The following NEBL variants were observed in gnomAD, a reference collection of about 807,000 sequenced individuals.
NEBL encodes LIM and SH3 protein 2.
NEBL carries 122 observed loss-of-function variants against 140.2 expected under a neutral mutation model. That is an observed-to-expected ratio of 0.87 (90% CI 0.75 to 1.01). NEBL has a LOEUF of 1.01. Ranked by LOEUF, NEBL falls within the 50% of genes least tolerant of loss-of-function variation. The pLI is 0.00. For synonymous variants in NEBL, 436 were observed against 398.9 expected (o/e 1.09, Z -1.11); for missense variants, 1,365 against 1,231.3 (o/e 1.11, Z -1.62).
At position 21,073,615 on chromosome 10, in the gene NEBL, GT is replaced by G. The variant is rs1179703196; in HGVS notation, c.165-53415del. On this transcript the variant is annotated intron_variant, in intron 2 of 6. Coordinates refer to the NEBL transcript ENST00000417816. ...CTGGGTGACAGAGCAAGACTCTGTC[GT>G]CAAAAAAAAAAAAAAAAAAAAGTCT... Among the ~76,000 whole-genome samples, 271 of 102,984 alleles carry G rather than the reference GT, an allele frequency of 2.6e-3. 1 individual carries two copies. Among genetic ancestry groups the G allele is most frequent in the African/African-American group, 0.012 (258 of 21,762 alleles). 67.6% of individuals were successfully genotyped at this position (102,984 alleles called of 152,430 possible).
In NEBL at chr10:20,785,527, G is replaced by A. The variant is rs1035231689; in HGVS notation, c.*220C>T. 3.8e-5 allele frequency: 22 copies of A among 586,378 alleles called. No homozygotes were observed. The highest frequency in any genetic ancestry group is 3.9e-5 in the Non-Finnish European group (13 of 331,328). 36.3% of individuals were successfully genotyped at this position (586,378 alleles called of 1,614,324 possible). The stretch of plus-strand genomic sequence containing the variant: ...ATGAACACAATTAGCAGCACCAGGT[G>A]TCCAGACACAAAGATTTTTGTTTGT... On this transcript the variant is annotated 3_prime_UTR_variant, in exon 28 of 28. Coordinates refer to ENST00000377122, the MANE Select transcript of NEBL (RefSeq NM_006393.3).
At chr10:21,166,762 C>T (rs992779758) in intron 2 of NEBL, among the ~76,000 whole-genome samples, 1 of 152,170 alleles carries the variant, frequency 6.6e-6, no homozygotes. Flanking sequence ...CTCCATCTAG[C>T]TCCAAAACTC....
chr10:20,890,282 G>T (rs961107598), intron 2 of NEBL, among the ~76,000 whole-genome samples: 2 of 152,176 alleles, frequency 1.3e-5, no homozygotes, highest in Admixed American at 1.3e-4. Context: ...AAGTGTCCTG[G>T]TGTTTTGTTG....
chr10:20,877,212 T>C (rs1031901092), intron 5 of NEBL, among the ~76,000 whole-genome samples: 4 of 152,194 alleles, frequency 2.6e-5, no homozygotes, highest in African/African-American at 9.7e-5. Context: ...TTACACATAA[T>C]GTTTCATTTA....
chr10:20,887,959 G>A, intron 4 of NEBL, 138 bp downstream of exon 4: 1 of 702,342 alleles, frequency 1.4e-6, no homozygotes. Context: ...ACTACTGACA[G>A]CACATTAATC....
intron 3 of NEBL, among the ~76,000 whole-genome samples, chr10:21,004,614 G>A (rs909809434): frequency 6.6e-6 from 1 of 152,126 alleles, no homozygotes; most frequent in African/African-American, 2.4e-5. Flanking sequence ...CAGCTACTCG[G>A]GAGGCTGAGG....
chr10:20,952,263 C>A (rs912334413), intron 4 of NEBL, among the ~76,000 whole-genome samples: 2 of 151,876 alleles, frequency 1.3e-5, no homozygotes, highest in African/African-American at 4.8e-5. Context: ...ACGGTAAAAC[C>A]CCGTCTCTAC....
chr10:20,907,564 A>G (rs966458261), intron 4 of NEBL, among the ~76,000 whole-genome samples: 4 of 152,148 alleles, frequency 2.6e-5, no homozygotes, highest in Non-Finnish European at 1.5e-5. Context: ...ATTTAAGCAA[A>G]CCATTCGTTC....
chr10:21,055,347 C>G (rs1445907206), intron 2 of NEBL, among the ~76,000 whole-genome samples: 2 of 152,174 alleles, frequency 1.3e-5, no homozygotes, highest in Non-Finnish European at 2.9e-5. Context: ...CAAGAAATTT[C>G]TAAATCGGCT....
chr10:20,801,059 TAG>T (rs1414081468), intron 26 of NEBL, among the ~76,000 whole-genome samples: 1 of 152,222 alleles, frequency 6.6e-6, no homozygotes, highest in Non-Finnish European at 1.5e-5. Flanking sequence ...TCAGCTCATC[TAG>T]ACACACAGCC....
intron 2 of NEBL, among the ~76,000 whole-genome samples, chr10:21,109,567 A>G (rs902385639): frequency 1.2e-4 from 19 of 152,178 alleles, no homozygotes; most frequent in African/African-American, 4.3e-4. Context: ...TGGTTTCAGA[A>G]GGAATGGTTC....
chr10:21,083,214 C>T (rs1836468536), intron 2 of NEBL, among the ~76,000 whole-genome samples: 1 of 152,154 alleles, frequency 6.6e-6, no homozygotes, highest in Non-Finnish European at 1.5e-5. Context: ...TTAGGAAGGC[C>T]TATCAGGGAA....
At chr10:20,812,999 T>A in intron 23 of NEBL, 59 bp from the exon 24 acceptor site, 1 of 1,417,296 alleles carries the variant, frequency 7.1e-7, no homozygotes, top group Non-Finnish European at 9.9e-7. Context: ...TTCACAACAT[T>A]TTTATTAAAT....
At chr10:21,233,510 T>A (rs1275082773) in intron 3 of NEBL, among the ~76,000 whole-genome samples, 1 of 150,914 alleles carries the variant, frequency 6.6e-6, no homozygotes, top group African/African-American at 2.4e-5. Flanking sequence ...CATAACTATA[T>A]CTATATCATA....
In NEBL at chr10:20,982,901, A is replaced by C. The variant is rs553163642; in HGVS notation, c.250-21122T>G. Reference sequence around the variant, plus strand: ...ACATGGGTTTGAGAAGCTTGACAATAAACTTAGTATTTAAATTGATCACAG... The same window carrying C: ...ACATGGGTTTGAGAAGCTTGACAATCAACTTAGTATTTAAATTGATCACAG... On this transcript the variant is annotated intron_variant, in intron 3 of 6. Coordinates refer to the NEBL transcript ENST00000417816. Among the ~76,000 whole-genome samples, 8 of 152,368 alleles carry C rather than the reference A, an allele frequency of 5.3e-5. No individual in the cohort carries two copies. The East Asian group carries it at 1.5e-3, about 29-fold the overall frequency.
At chr10:21,078,494 G>A (rs546614069) in intron 2 of NEBL, among the ~76,000 whole-genome samples, 29 of 147,674 alleles carry the variant, frequency 2.0e-4, no homozygotes, top group South Asian at 1.2e-3. Flanking sequence ...TACAGTATTT[G>A]TCATCCTGAG....
intron 3 of NEBL, among the ~76,000 whole-genome samples, chr10:21,214,198 A>T (rs1041992533): frequency 6.6e-6 from 1 of 151,738 alleles, no homozygotes; most frequent in Non-Finnish European, 1.5e-5. Flanking sequence ...TCATATATGT[A>T]TATCATGCAC....
rs369627270 is a variant in NEBL, at chr10:21,029,124, T to G, written c.165-8923A>C. On this transcript the variant is annotated intron_variant, in intron 2 of 6. Coordinates refer to the NEBL transcript ENST00000417816. ...TTTCCAAACCAGTCAGCTGGGCTGA[T>G]GCAACAGATGACCTGGAAGGAGATG... 1.3e-4 allele frequency: 163 copies of G among 1,276,888 alleles called. No homozygotes were observed. The African/African-American group carries it at 2.3e-3, about 18-fold the overall frequency. 79.1% of individuals were successfully genotyped at this position (1,276,888 alleles called of 1,614,324 possible).
At chr10:21,278,006 C>G (rs1275881703) in intron 1 of NEBL, among the ~76,000 whole-genome samples, 2 of 152,198 alleles carry the variant, frequency 1.3e-5, no homozygotes, top group Admixed American at 6.5e-5. Context: ...GCCTAGTTAT[C>G]TGGAAAGCAG....
Sources: gnomAD v4.1 joint callset for allele counts (sites outside exome capture counted in the v4.1 genomes callset) on GRCh38, gnomAD v4.1.1 for gene constraint, MANE v1.5 for transcripts, NCBI Gene and HGNC (gene_info 2026-07-23, HGNC 2026-07-21) for gene names.